The following SMG1 variants were observed in gnomAD, a reference collection of about 807,000 sequenced individuals.
SMG1 encodes serine/threonine-protein kinase SMG1.
In SMG1, 22 loss-of-function variants were observed where a neutral mutation model predicts 419.9. That is an observed-to-expected ratio of 0.05 (90% CI 0.04 to 0.07). The LOEUF (loss-of-function observed/expected upper bound fraction) is 0.07, where lower values mean the gene tolerates loss of function less well. Among genes scored for constraint, SMG1 ranks in the 10% least tolerant of loss-of-function variants. SMG1 has a pLI of 1.00. For synonymous variants in SMG1, 1,538 were observed against 1,553.5 expected, an observed-to-expected ratio of 0.99 and a Z score of 0.23; for missense variants, 3,185 against 4,342.0, an observed-to-expected ratio of 0.73 and a Z score of 7.49.
In SMG1 at chr16:18,919,657, TACACACACACACACACACAC is replaced by T. The variant is rs368125844; in HGVS notation, c.92+6273_92+6292del. On this transcript the variant is annotated intron_variant, in intron 1 of 62. Transcript: ENST00000446231. ...AAATGTGTGTGTGTGTGTGTATATA[TACACACACACACACACACAC>T]ACACACACACACACACACACACAAT... 3.8e-4 allele frequency among the ~76,000 whole-genome samples: 48 copies of T among 125,816 alleles called. 1 individual carries two copies. Among genetic ancestry groups the T allele is most frequent in the Middle Eastern group, 4.5e-3 (1 of 224 alleles). 82.5% of individuals were successfully genotyped at this position (125,816 alleles called of 152,430 possible). A position where few individuals can be genotyped will look rare whatever the true frequency, so the allele number is the denominator to read the frequency against.
At chr16:18,817,587 T>G in intron 56 of SMG1, 117 bp from the exon 57 acceptor site, 1 of 833,154 alleles carries the variant, frequency 1.2e-6, no homozygotes, top group Non-Finnish European at 1.8e-6. Context: ...GGACCAGAAT[T>G]GGTCCTGAAA....
At chr16:18,911,278 T>A (rs1186930324) in intron 1 of SMG1, 1 of 152,012 alleles carries the variant, frequency 6.6e-6, no homozygotes, top group Non-Finnish European at 1.5e-5. Context: ...CAGAGGTGAA[T>A]GGATCACAAG....
intron 45 of SMG1, among the ~76,000 whole-genome samples, 197 bp from the exon 46 acceptor site, chr16:18,837,640 A>C (rs1567342784): frequency 6.6e-6 from 1 of 152,156 alleles, no homozygotes; most frequent in Non-Finnish European, 1.5e-5. Context: ...ATCTCATAAT[A>C]CCATGTATTA....
At chr16:18,869,492 T>G (rs2035697981) in intron 19 of SMG1, among the ~76,000 whole-genome samples, 189 bp from the exon 20 acceptor site, 1 of 152,174 alleles carries the variant, frequency 6.6e-6, no homozygotes, top group Non-Finnish European at 1.5e-5. Flanking sequence ...CAGGTTGAGG[T>G]ACAGTGTGGA....
intron 13 of SMG1, chr16:18,875,562 G>C (rs1285308137): frequency 6.6e-6 from 1 of 152,480 alleles, no homozygotes; most frequent in Non-Finnish European, 1.4e-5. Context: ...TGGCACTCCA[G>C]CCTGGGCAAC....
At chr16:18,888,697 A>G (rs1260649799) in intron 6 of SMG1, among the ~76,000 whole-genome samples, 5 of 151,528 alleles carry the variant, frequency 3.3e-5, no homozygotes, top group Admixed American at 3.3e-4. Context: ...CGATCTCTTG[A>G]CCTCATGATG....
At chr16:18,881,288 A>C (rs761815411) in intron 10 of SMG1, among the ~76,000 whole-genome samples, 2 of 152,094 alleles carry the variant, frequency 1.3e-5, no homozygotes, top group East Asian at 3.8e-4. Context: ...CAGTCTTCAA[A>C]CAACCACCTT....
chr16:18,868,896 TCCACA>T (rs2035661744), intron 20 of SMG1, among the ~76,000 whole-genome samples, 177 bp from the exon 21 acceptor site: 1 of 152,150 alleles, frequency 6.6e-6, no homozygotes, highest in African/African-American at 2.4e-5. Flanking sequence ...ATATATTTTT[TCCACA>T]CAACTCCCTA....
chr16:18,896,211 C>CAA lies in SMG1; in HGVS notation c.257-6_257-5dup. 1 of 1,335,298 alleles carries CAA rather than the reference C, an allele frequency of 7.5e-7. No individual in the cohort carries two copies. Among genetic ancestry groups the CAA allele is most frequent in the Non-Finnish European group, 1.1e-6 (1 of 928,612 alleles). 82.7% of individuals were successfully genotyped at this position (1,335,298 alleles called of 1,614,324 possible). ...CCTCCATTGACACTGTAGCCACCTA[C>CAA]AAACAGCAATGTGTACGTTATTTAA... On this transcript the variant is annotated splice_region_variant and splice_polypyrimidine_tract_variant and intron_variant, in intron 2 of 62. Coordinates refer to ENST00000446231, the MANE Select transcript of SMG1 (RefSeq NM_015092.5).
intron 6 of SMG1, among the ~76,000 whole-genome samples, chr16:18,888,605 C>A (rs1285802176): frequency 9.3e-5 from 14 of 151,290 alleles, no homozygotes; most frequent in Admixed American, 6.6e-5. Context: ...GTAGCTGGGA[C>A]TACAGGCGCG....
At chr16:18,912,666 C>T (rs1158817708) in intron 1 of SMG1, among the ~76,000 whole-genome samples, 1 of 151,968 alleles carries the variant, frequency 6.6e-6, no homozygotes, top group East Asian at 1.9e-4. Flanking sequence ...CACATACTTA[C>T]GACCTATTTG....
At chr16:18,863,562 A>G (rs1469457732) in intron 25 of SMG1, 88 bp downstream of exon 25, 16 of 1,210,742 alleles carry the variant, frequency 1.3e-5, no homozygotes, top group East Asian at 7.0e-5. Flanking sequence ...GTATTACTAC[A>G]TATGACCAAT....
chr16:18,888,224 A>C (rs2036723081), intron 6 of SMG1, among the ~76,000 whole-genome samples: 1 of 150,476 alleles, frequency 6.6e-6, no homozygotes, highest in Admixed American at 6.7e-5. Context: ...ACAAATGTGA[A>C]ATAAAACTAA....
At chr16:18,871,257 A>G in intron 16 of SMG1, 107 bp downstream of exon 16, 1 of 571,170 alleles carries the variant, frequency 1.8e-6, no homozygotes, top group Non-Finnish European at 3.1e-6. Context: ...AGGATTACAC[A>G]TCTTCAGGTC....
intron 1 of SMG1, among the ~76,000 whole-genome samples, chr16:18,912,493 T>C (rs1360634128): frequency 1.3e-5 from 2 of 152,068 alleles, no homozygotes; most frequent in Non-Finnish European, 2.9e-5. Flanking sequence ...ATTATGATTT[T>C]TGAATTAATA....
intron 22 of SMG1, among the ~76,000 whole-genome samples, chr16:18,867,947 A>T (rs1346411879): frequency 6.6e-6 from 1 of 151,934 alleles, no homozygotes; most frequent in Non-Finnish European, 1.5e-5. Flanking sequence ...TGACCTCATG[A>T]TCCGCCCACC....
chr16:18,916,513 CAAAA>C (rs59985733), intron 1 of SMG1, among the ~76,000 whole-genome samples: 11 of 68,942 alleles, frequency 1.6e-4, no homozygotes, highest in South Asian at 6.9e-4. Flanking sequence ...GACTCCATCT[CAAAA>C]AAAAAAAAAA....
intron 6 of SMG1, among the ~76,000 whole-genome samples, chr16:18,887,762 T>TAAAAAAAAAAAAAAAAAAA (rs57393561): frequency 2.6e-5 from 1 of 38,286 alleles, no homozygotes; most frequent in Non-Finnish European, 4.2e-5. Context: ...TCAAAAACAG[T>TAAAAAAAAAAAAAAAAAAA]AAAAAAAAAA....
At chr16:18,833,242 T>C (rs1269690401) in intron 50 of SMG1, 76 bp from the exon 51 acceptor site, 3 of 1,130,182 alleles carry the variant, frequency 2.7e-6, no homozygotes, top group East Asian at 2.6e-5. Context: ...CTTAGAGCCA[T>C]ACATTAAGAG....
Sources: allele counts gnomAD v4.1 joint callset (sites outside exome capture counted in the v4.1 genomes callset), GRCh38; gene constraint gnomAD v4.1.1; transcripts MANE v1.5; gene names NCBI Gene and HGNC (gene_info 2026-07-23, HGNC 2026-07-21).